The following RIT2 variants were observed in gnomAD, a reference collection of about 807,000 sequenced individuals.
RIT2 encodes Ras like without CAAX 2, also known as GTP-binding protein Rit2.
RIT2 carries 24 observed loss-of-function variants against 23.7 expected under a neutral mutation model. The observed-to-expected ratio is 1.01, with a 90% CI of 0.73 to 1.43. The LOEUF is 1.43. Among genes scored for constraint, RIT2 ranks in the 40% most tolerant of loss-of-function variants. RIT2 has a pLI of 0.00. For synonymous variants in RIT2, 107 were observed against 91.1 expected, an observed-to-expected ratio of 1.17 and a Z score of -0.99; for missense variants, 236 against 266.9, an observed-to-expected ratio of 0.88 and a Z score of 0.81.
chr18:43,030,395 C>G (rs1023866339), intron 2 of RIT2, among the ~76,000 whole-genome samples: 2 of 151,872 alleles, frequency 1.3e-5, no homozygotes, highest in African/African-American at 4.8e-5. Context: ...TTGACTAGTT[C>G]GTGGATCTAA....
intron 4 of RIT2, among the ~76,000 whole-genome samples, chr18:42,887,526 C>T (rs188467134): frequency 2.0e-4 from 31 of 152,242 alleles, no homozygotes; most frequent in South Asian, 8.3e-4. Flanking sequence ...TGTGCAGCAA[C>T]GGGAATTCTC....
chr18:42,960,103 G>A (rs1910061866), intron 3 of RIT2, among the ~76,000 whole-genome samples: 1 of 152,188 alleles, frequency 6.6e-6, no homozygotes, highest in South Asian at 2.1e-4. Flanking sequence ...CTCTTCTGTG[G>A]TAGATTCCCA....
At position 42,744,536 on chromosome 18, in the gene RIT2, T is replaced by C. The variant is rs537765546; in HGVS notation, c.427-816A>G. ...CCTTTGTTTCAAATACCAGTTCAAC[T>C]GCATTTTAGCTTTGCAAACTTGGTT... On this transcript the variant is annotated intron_variant, in intron 4 of 4. Transcript: ENST00000326695. 5.3e-5 allele frequency among the ~76,000 whole-genome samples: 8 copies of C among 152,294 alleles called. No homozygotes were observed. In the South Asian group the frequency reaches 1.7e-3, roughly 32 times the overall value.
chr18:43,048,111 C>T (rs376240699), intron 1 of RIT2, among the ~76,000 whole-genome samples: 1 of 152,116 alleles, frequency 6.6e-6, no homozygotes, highest in Non-Finnish European at 1.5e-5. Flanking sequence ...GGGACCTGAA[C>T]AATTCCATGG....
At chr18:43,017,425 T>C (rs993907609) in intron 2 of RIT2, among the ~76,000 whole-genome samples, 1 of 151,988 alleles carries the variant, frequency 6.6e-6, no homozygotes, top group Non-Finnish European at 1.5e-5. Context: ...TATAAGTAAT[T>C]TGATTTCATA....
chr18:43,065,844 TGG>T (rs1912759745), intron 1 of RIT2, among the ~76,000 whole-genome samples: 1 of 152,046 alleles, frequency 6.6e-6, no homozygotes, highest in African/African-American at 2.4e-5. Context: ...AAGTGGTAGG[TGG>T]AAAACTTCAG....
At chr18:43,074,315 G>C (rs1912963669) in intron 1 of RIT2, among the ~76,000 whole-genome samples, 2 of 152,048 alleles carry the variant, frequency 1.3e-5, no homozygotes, top group Non-Finnish European at 2.9e-5. Context: ...ATGTTTGTAG[G>C]CATTCATTTG....
intron 4 of RIT2, among the ~76,000 whole-genome samples, chr18:42,828,003 CAAAAAAAAAAA>C (rs200737336): frequency 1.9e-5 from 1 of 51,744 alleles, no homozygotes; most frequent in Admixed American, 1.9e-4. Context: ...GACTCCGTCT[CAAAAAAAAAAA>C]AAAAAAAAAA....
At chr18:42,797,036 A>G (rs370868673) in intron 4 of RIT2, among the ~76,000 whole-genome samples, 4 of 152,308 alleles carry the variant, frequency 2.6e-5, no homozygotes, top group South Asian at 2.1e-4. Context: ...GTAACAAGGA[A>G]TAAGAACTTC....
chr18:42,783,163 A>G (rs887610646), intron 4 of RIT2, among the ~76,000 whole-genome samples: 1 of 152,102 alleles, frequency 6.6e-6, no homozygotes, highest in Non-Finnish European at 1.5e-5. Context: ...AATGGAATTA[A>G]TTGTGTAATG....
At chr18:42,875,933 C>A (rs994214528) in intron 4 of RIT2, among the ~76,000 whole-genome samples, 1 of 151,948 alleles carries the variant, frequency 6.6e-6, no homozygotes, top group Admixed American at 6.6e-5. Flanking sequence ...TAGATAATGT[C>A]ATTTATCACC....
chr18:43,018,812 A>G (rs897431434), intron 2 of RIT2, among the ~76,000 whole-genome samples: 2 of 152,068 alleles, frequency 1.3e-5, no homozygotes, highest in Admixed American at 1.3e-4. Context: ...AAGGGAGTTT[A>G]CACCTGAAAG....
At chr18:43,018,376 T>C (rs941136865) in intron 2 of RIT2, among the ~76,000 whole-genome samples, 1 of 151,558 alleles carries the variant, frequency 6.6e-6, no homozygotes, top group African/African-American at 2.4e-5. Flanking sequence ...TTTTTTAAGA[T>C]ACAAGTATTT....
intron 4 of RIT2, among the ~76,000 whole-genome samples, chr18:42,918,550 G>C (rs1908972315): frequency 6.6e-6 from 1 of 151,990 alleles, no homozygotes; most frequent in Non-Finnish European, 1.5e-5. Context: ...ATTTTCCAAT[G>C]CACTGATGAT....
intron 4 of RIT2, among the ~76,000 whole-genome samples, chr18:42,772,480 C>T (rs185782707): frequency 1.3e-5 from 2 of 152,020 alleles, no homozygotes; most frequent in East Asian, 3.9e-4. Flanking sequence ...CAATAAACTT[C>T]TAGGCCTTCT....
At chr18:42,750,668 A>G (rs1231547031) in intron 4 of RIT2, among the ~76,000 whole-genome samples, 1 of 151,878 alleles carries the variant, frequency 6.6e-6, no homozygotes, top group Non-Finnish European at 1.5e-5. Context: ...AAATACATTA[A>G]GAAAAACTTT....
chr18:43,026,608 GAAAGAAAGAAAGAAAGAAAGAAAGAA>G (rs1911731002), intron 2 of RIT2, among the ~76,000 whole-genome samples: 2 of 140,306 alleles, frequency 1.4e-5, no homozygotes, highest in Non-Finnish European at 1.6e-5. Flanking sequence ...AAGAAAGAAA[GAAAGAAAGAAAGAAAGAAAGAAAGAA>G]AGAGAGAAAG....
intron 4 of RIT2, among the ~76,000 whole-genome samples, chr18:42,845,866 G>T (rs1906894226): frequency 6.6e-6 from 1 of 151,698 alleles, no homozygotes; most frequent in Admixed American, 6.6e-5. Context: ...GAATTAGAAA[G>T]AAATATTATA....
intron 4 of RIT2, among the ~76,000 whole-genome samples, chr18:42,842,056 G>C (rs566697643): frequency 6.6e-6 from 1 of 152,318 alleles, no homozygotes; most frequent in African/African-American, 2.4e-5. Context: ...CCAGTTGAGG[G>C]AGGTAAAAAA....
Sources: gnomAD v4.1 joint callset for allele counts (sites outside exome capture counted in the v4.1 genomes callset) on GRCh38, gnomAD v4.1.1 for gene constraint, MANE v1.5 for transcripts, NCBI Gene and HGNC (gene_info 2026-07-23, HGNC 2026-07-21) for gene names.